The following RELB variants were observed in gnomAD, a reference collection of about 807,000 sequenced individuals.
RELB encodes the protein transcription factor RelB.
RELB carries 14 observed loss-of-function variants against 55.4 expected under a neutral mutation model. That is an observed-to-expected ratio of 0.25 (90% confidence interval 0.17 to 0.40). RELB has a LOEUF of 0.40. Ranked by LOEUF, RELB falls within the 10% of genes least tolerant of loss-of-function variation. The pLI, the probability that RELB is intolerant of heterozygous loss-of-function variation, is 1.00. For missense variants in RELB, 669 were observed against 830.7 expected (o/e 0.81, Z 2.39); for synonymous variants, 409 against 371.3 (o/e 1.10, Z -1.17).
chr19:45,006,101 T>C (rs1175101589), intron 2 of RELB, among the ~76,000 whole-genome samples: 1 of 152,198 alleles, frequency 6.6e-6, no homozygotes, highest in Admixed American at 6.6e-5. Flanking sequence ...AAGTTAAATA[T>C]GGGATTATAA....
chr19:45,032,275 C>T (rs1036778095), intron 8 of RELB: 11 of 352,770 alleles, frequency 3.1e-5, no homozygotes, highest in African/African-American at 1.0e-4. Context: ...TAAAATTAGC[C>T]GGGCGTGGTG....
intron 5 of RELB, among the ~76,000 whole-genome samples, chr19:45,025,110 C>T (rs974835743): frequency 5.9e-5 from 9 of 151,562 alleles, no homozygotes; most frequent in African/African-American, 1.9e-4. Context: ...CCTCCTGCCT[C>T]GGCCTCCCAA....
intron 4 of RELB, among the ~76,000 whole-genome samples, chr19:45,017,728 C>A (rs1413174445): frequency 6.8e-6 from 1 of 147,174 alleles, no homozygotes; most frequent in Non-Finnish European, 1.5e-5. Flanking sequence ...ATGGTGCGAT[C>A]TCTGCCTCTC....
In RELB at chr19:45,020,084, G is replaced by A. The variant is rs565231244; in HGVS notation, c.505-1969G>A. Among the ~76,000 whole-genome samples, 216 of 151,422 alleles carry A rather than the reference G, an allele frequency of 1.4e-3. 1 individual carries two copies. Among genetic ancestry groups the A allele is most frequent in the African/African-American group, 4.9e-3 (201 of 41,272 alleles). On this transcript the variant is annotated intron_variant, in intron 4 of 11. Transcript: ENST00000221452. ...TTCTCTCCTTTTTTAAAAAAATTAA[G>A]ATATAATTGATCATATATAGTTAAG...
chr19:45,018,714 T>C (rs1256264726), intron 4 of RELB, among the ~76,000 whole-genome samples: 1 of 151,788 alleles, frequency 6.6e-6, no homozygotes, highest in African/African-American at 2.4e-5. Context: ...TTCGCTCTTG[T>C]TGCCCAGGCT....
chr19:45,023,666 C>T (rs1305929873), intron 5 of RELB, among the ~76,000 whole-genome samples: 1 of 150,636 alleles, frequency 6.6e-6, no homozygotes, highest in Non-Finnish European at 1.5e-5. Flanking sequence ...TTACCATCTC[C>T]TGACCTCGTG....
In RELB at chr19:45,028,934, A is replaced by C; in HGVS notation, c.933A>C (p.Glu311Asp). The change falls in exon 8 of 12, where the codon GAA (glutamate) becomes GAC (aspartate). Residue 311 changes from glutamate (E) to aspartate (D), a missense_variant. Physicochemically the swap from Glu to Asp is conservative, Grantham distance 45. This residue lies in a region of RELB where 341 missense variants were observed against 436.8 expected (regional missense o/e 0.78). Coordinates refer to ENST00000221452, the MANE Select transcript of RELB (RefSeq NM_006509.4). ...TGCGGATTTGCCGAATTAACAAGGA[A>C]AGCGGGCCGTGCACCGGTGGCGAGG... ...SELRICRINK[E>D]SGPCTGGEEL... The C allele has an allele frequency of 6.2e-7, 1 of 1,601,114 alleles. No homozygotes were observed. Among genetic ancestry groups the C allele is most frequent in the Non-Finnish European group, 8.5e-7 (1 of 1,174,416 alleles).
At chr19:45,034,568 G>A in intron 11 of RELB, 40 bp downstream of exon 11, 1 of 1,543,360 alleles carries the variant, frequency 6.5e-7, no homozygotes, top group Non-Finnish European at 8.8e-7. Context: ...CCCCTGGGTG[G>A]GCAGAGGGTA....
chr19:45,034,347 C>G (rs771288543), intron 10 of RELB, 35 bp downstream of exon 10: 26 of 1,608,804 alleles, frequency 1.6e-5, no homozygotes, highest in Admixed American at 8.3e-5. Flanking sequence ...CCCCCATCCC[C>G]AGGTTCTGGG....
intron 11 of RELB, among the ~76,000 whole-genome samples, chr19:45,037,115 C>A (rs1055291774): frequency 1.1e-4 from 17 of 152,010 alleles, no homozygotes; most frequent in Non-Finnish European, 2.2e-4. Context: ...CCCGTCTCTA[C>A]TAAAAAGATA....
At position 45,012,037 on chromosome 19, in the gene RELB, T is replaced by C; in HGVS notation, c.265T>C (p.Ser89Pro). ...LPRLVSRGAA[S>P]LSTVTLGPVA... ...ACGCCTGGTGTCTCGCGGGGCTGCG[T>C]CCCTGAGCACGGTCACCCTGGGCCC... Residue 89 changes from serine (S) to proline (P), a missense_variant, in exon 4 of 12, where the codon TCC (serine) becomes CCC (proline). Around this residue, in one of 3 missense-constraint regions of RELB, gnomAD observed 323 missense variants for 368.5 expected, o/e 0.88. Transcript: ENST00000221452. 1 of 1,569,828 alleles carries C rather than the reference T, an allele frequency of 6.4e-7. No homozygotes were observed.
intron 8 of RELB, chr19:45,032,297 T>C (rs1971633213): frequency 4.4e-6 from 2 of 454,696 alleles, no homozygotes. Context: ...CATATGCCTG[T>C]AATCCCAGCT....
rs191623187 is a variant in RELB, at chr19:45,002,184, C to A, written c.106+499C>A. Among the ~76,000 whole-genome samples the A allele has an allele frequency of 4.3e-3, 643 of 150,742 alleles. 24 individuals carry two copies. Among genetic ancestry groups the A allele is most frequent in the Admixed American group, 0.036 (544 of 15,116 alleles). On this transcript the variant is annotated intron_variant, in intron 1 of 11. Coordinates refer to ENST00000221452, the MANE Select transcript of RELB (RefSeq NM_006509.4). ...AAGAAGGGGAAGGGGCGGGGCCTGA[C>A]TCTGGCCGAGTGGAGGGGAAGGGCC...
chr19:45,029,627 A>T (rs1357704561), intron 8 of RELB, among the ~76,000 whole-genome samples: 5 of 152,126 alleles, frequency 3.3e-5, no homozygotes, highest in Non-Finnish European at 5.9e-5. Flanking sequence ...AGGTGGGCGG[A>T]TCACCTGAGG....
intron 7 of RELB, among the ~76,000 whole-genome samples, chr19:45,026,579 GAATCTTCTA>G (rs1226080881): frequency 6.6e-6 from 1 of 152,032 alleles, no homozygotes; most frequent in East Asian, 1.9e-4. Flanking sequence ...ACCCAAAATG[GAATCTTCTA>G]GTGTTGTAGA....
chr19:45,017,114 C>G (rs1971428565), intron 4 of RELB, among the ~76,000 whole-genome samples: 1 of 152,110 alleles, frequency 6.6e-6, no homozygotes, highest in African/African-American at 2.4e-5. Context: ...GGGGGCAGCA[C>G]TCCCCCACTG....
In RELB at chr19:45,025,356, G is replaced by C; in HGVS notation, c.690G>C (p.Val230=). 6.2e-7 allele frequency: 1 copy of C among 1,612,568 alleles called. No individual in the cohort carries two copies. The highest frequency in any genetic ancestry group is 1.1e-5 in the South Asian group (1 of 90,670). The change falls in exon 6 of 12, where the codon GTG becomes GTC. Residue 230 remains valine, a synonymous_variant. Transcript: ENST00000221452. ...HSFNNLGIQC[V]RKKEIEAAIE... ...TTAACAACCTGGGCATCCAGTGTGTGAGGAAGAAGGAGATTGAGGCTGCCA... is the reference window on the plus strand; with the variant it reads ...TTAACAACCTGGGCATCCAGTGTGTCAGGAAGAAGGAGATTGAGGCTGCCA...
At chr19:45,012,327 C>G in intron 4 of RELB, 51 bp downstream of exon 4, 1 of 1,178,940 alleles carries the variant, frequency 8.5e-7, no homozygotes, top group Non-Finnish European at 1.1e-6. Context: ...TTCCCCTGCA[C>G]CCCGGAGCCA....
intron 4 of RELB, among the ~76,000 whole-genome samples, chr19:45,020,978 C>T (rs1372831681): frequency 6.6e-6 from 1 of 152,048 alleles, no homozygotes; most frequent in Admixed American, 6.6e-5. Flanking sequence ...AGTTTGAGAC[C>T]AGCTTGGGCA....
Sources: allele counts gnomAD v4.1 joint callset (sites outside exome capture counted in the v4.1 genomes callset), GRCh38; gene constraint gnomAD v4.1.1; regional missense constraint gnomAD v4.1.1; transcripts MANE v1.5; gene names NCBI Gene and HGNC (gene_info 2026-07-23, HGNC 2026-07-21).